Variants in CNTN6 observed in about 807,000 individuals in gnomAD.
CNTN6 encodes the protein contactin 6.
In CNTN6, 137 loss-of-function variants were observed where a neutral mutation model predicts 122.8. That is an observed-to-expected ratio of 1.12 (90% CI 0.97 to 1.29). The LOEUF (loss-of-function observed/expected upper bound fraction) is 1.29. Among genes scored for constraint, CNTN6 ranks in the 50% most tolerant of loss-of-function variants. The pLI is 0.00. For synonymous variants in CNTN6, 570 were observed against 426.0 expected, an observed-to-expected ratio of 1.34 and a Z score of -4.16; for missense variants, 1,634 against 1,223.4, an observed-to-expected ratio of 1.34 and a Z score of -5.01.
intron 2 of CNTN6, among the ~76,000 whole-genome samples, chr3:1,160,370 A>ATATATATATATATATATATG (rs2093102693): frequency 7.6e-6 from 1 of 131,626 alleles, no homozygotes; most frequent in African/African-American, 2.8e-5. Context: ...ATATATATAC[A>ATATATATATATATATATATG]CACTACCTAT....
At chr3:1,402,660 A>G (rs1257584309) in intron 22 of CNTN6, 174 bp downstream of exon 22, 4 of 531,372 alleles carry the variant, frequency 7.5e-6, no homozygotes, top group Admixed American at 6.7e-5. Context: ...AAATTATAAC[A>G]TACACTATAA....
At chr3:1,151,211 T>A (rs77150267) in intron 2 of CNTN6, among the ~76,000 whole-genome samples, 2 of 152,320 alleles carry the variant, frequency 1.3e-5, no homozygotes, top group African/African-American at 4.8e-5. Context: ...AGCTTCCAGA[T>A]GGCAGGGACT....
intron 4 of CNTN6, among the ~76,000 whole-genome samples, chr3:1,242,084 G>A (rs1422211290): frequency 2.0e-5 from 3 of 152,188 alleles, no homozygotes; most frequent in Non-Finnish European, 4.4e-5. Flanking sequence ...GGGAAAGCAC[G>A]TGTGTTTTTA....
In CNTN6 at chr3:1,103,732, C is replaced by G. The variant is rs1468916280; in HGVS notation, c.-83+10612C>G. Among the ~76,000 whole-genome samples the G allele has an allele frequency of 2.0e-5, 3 of 152,132 alleles. No individual in the cohort carries two copies. The East Asian group carries it at 5.8e-4, about 29-fold the overall frequency. On this transcript the variant is annotated intron_variant, in intron 1 of 22. Coordinates refer to ENST00000446702, the MANE Select transcript of CNTN6 (RefSeq NM_001289080.2). Reference sequence around the variant, plus strand: ...CAATTGCTTTTACCATTAGGGGGCTCCTTTTACTTATGAGGCAAAAGTCAT... The same window carrying G: ...CAATTGCTTTTACCATTAGGGGGCTGCTTTTACTTATGAGGCAAAAGTCAT...
intron 12 of CNTN6, among the ~76,000 whole-genome samples, chr3:1,366,251 T>C (rs1210063598): frequency 6.6e-6 from 1 of 152,170 alleles, no homozygotes; most frequent in Non-Finnish European, 1.5e-5. Flanking sequence ...AGTAACCCTT[T>C]GTTTTGTTTG....
At chr3:1,135,278 A>G (rs1025642385) in intron 1 of CNTN6, among the ~76,000 whole-genome samples, 4 of 152,114 alleles carry the variant, frequency 2.6e-5, no homozygotes, top group African/African-American at 9.7e-5. Context: ...CACTGTTGAC[A>G]GGCAACCACA....
At chr3:1,284,238 C>A (rs986248705) in intron 5 of CNTN6, among the ~76,000 whole-genome samples, 2 of 152,122 alleles carry the variant, frequency 1.3e-5, no homozygotes, top group Non-Finnish European at 2.9e-5. Context: ...GACAATTCCA[C>A]TTAAATTAAA....
intron 7 of CNTN6, among the ~76,000 whole-genome samples, chr3:1,311,058 G>A (rs1241798705): frequency 6.6e-6 from 1 of 151,824 alleles, no homozygotes; most frequent in East Asian, 1.9e-4. Context: ...CAAGCAAGGA[G>A]ATTAGGAAGA....
chr3:1,202,396 C>T (rs902324391), intron 2 of CNTN6, among the ~76,000 whole-genome samples: 4 of 149,552 alleles, frequency 2.7e-5, no homozygotes, highest in Admixed American at 2.0e-4. Context: ...AGAAATCAGC[C>T]GGGCGTGGTG....
chr3:1,198,448 CA>C (rs776461527), intron 2 of CNTN6, among the ~76,000 whole-genome samples: 6 of 152,110 alleles, frequency 3.9e-5, no homozygotes, highest in African/African-American at 7.2e-5. Context: ...GCTGGCCAGG[CA>C]CAGTGGCTCA....
intron 1 of CNTN6, among the ~76,000 whole-genome samples, chr3:1,096,789 A>T (rs1446530312): frequency 6.6e-6 from 1 of 152,136 alleles, no homozygotes; most frequent in Non-Finnish European, 1.5e-5. Flanking sequence ...AAGGTCCATG[A>T]TTTTTAGTAT....
chr3:1,358,867 T>G (rs973952913), intron 12 of CNTN6, among the ~76,000 whole-genome samples: 2 of 151,900 alleles, frequency 1.3e-5, no homozygotes, highest in African/African-American at 2.4e-5. Context: ...GACCAGGAGT[T>G]CAAGACCATG....
intron 1 of CNTN6, among the ~76,000 whole-genome samples, chr3:1,145,051 T>A (rs2092695777): frequency 6.6e-6 from 1 of 152,164 alleles, no homozygotes; most frequent in Non-Finnish European, 1.5e-5. Flanking sequence ...CTATGTGTAT[T>A]ATAACCCAGG....
At chr3:1,262,660 T>A (rs1212383117) in intron 4 of CNTN6, among the ~76,000 whole-genome samples, 1 of 152,180 alleles carries the variant, frequency 6.6e-6, no homozygotes, top group Non-Finnish European at 1.5e-5. Context: ...GTTTAGGCCT[T>A]ATGGCATTGT....
At chr3:1,135,790 C>T (rs1040879644) in intron 1 of CNTN6, among the ~76,000 whole-genome samples, 1 of 152,062 alleles carries the variant, frequency 6.6e-6, no homozygotes, top group African/African-American at 2.4e-5. Flanking sequence ...GTCAGTAGTT[C>T]AAGACCTGCC....
intron 1 of CNTN6, among the ~76,000 whole-genome samples, chr3:1,146,193 G>C (rs542772200): frequency 1.3e-5 from 2 of 152,046 alleles, no homozygotes; most frequent in Non-Finnish European, 2.9e-5. Context: ...TCTCAATTAT[G>C]ATCTGAAAGT....
At chr3:1,281,361 G>A (rs1360719848) in intron 5 of CNTN6, among the ~76,000 whole-genome samples, 2 of 151,926 alleles carry the variant, frequency 1.3e-5, no homozygotes, top group Non-Finnish European at 2.9e-5. Flanking sequence ...AAATGTCGGC[G>A]TGGCCAAATT....
chr3:1,228,649 A>G (rs2094316600), intron 4 of CNTN6, among the ~76,000 whole-genome samples: 1 of 152,206 alleles, frequency 6.6e-6, no homozygotes, highest in Non-Finnish European at 1.5e-5. Context: ...GAGAGTAATT[A>G]TATCTGTTGA....
chr3:1,253,483 G>T (rs2094703546), intron 4 of CNTN6, among the ~76,000 whole-genome samples: 1 of 152,130 alleles, frequency 6.6e-6, no homozygotes, highest in Admixed American at 6.5e-5. Flanking sequence ...AATTTTGTCT[G>T]CTAATTACAT....
Sources: allele counts gnomAD v4.1 joint callset (sites outside exome capture counted in the v4.1 genomes callset), GRCh38; gene constraint gnomAD v4.1.1; transcripts MANE v1.5; gene names NCBI Gene and HGNC (gene_info 2026-07-23, HGNC 2026-07-21).